Variants in SPPL2A observed in about 807,000 individuals in gnomAD.
SPPL2A encodes the protein signal peptide peptidase-like 2A.
Under a neutral mutation model 63.8 loss-of-function variants are expected in SPPL2A, and 51 were observed. That is an observed-to-expected ratio of 0.80 (90% CI 0.64 to 1.01). The LOEUF is 1.01. Among genes scored for constraint, SPPL2A ranks in the 50% least tolerant of loss-of-function variants. The pLI is 0.00. For synonymous variants in SPPL2A, 188 were observed against 205.8 expected, an observed-to-expected ratio of 0.91 and a Z score of 0.74; for missense variants, 553 against 622.7, an observed-to-expected ratio of 0.89 and a Z score of 1.19.
intron 10 of SPPL2A, among the ~76,000 whole-genome samples, chr15:50,729,276 C>T (rs1037288559): frequency 2.0e-5 from 3 of 152,204 alleles, no homozygotes; most frequent in African/African-American, 7.2e-5. Flanking sequence ...TAGTTATAAC[C>T]CATAATACTA....
At chr15:50,761,290 T>C (rs147775150) in intron 1 of SPPL2A, among the ~76,000 whole-genome samples, 7 of 152,170 alleles carry the variant, frequency 4.6e-5, no homozygotes, top group East Asian at 3.9e-4. Context: ...TGAGGAAGAC[T>C]CAGGATTCTT....
Position 50,720,078 on chromosome 15 carries a change from A to T in SPPL2A, c.1350T>A (p.Leu450=). The change falls in exon 14 of 15, where the codon CTT becomes CTA. Residue 450 remains leucine, a synonymous_variant. Coordinates refer to ENST00000261854, the MANE Select transcript of SPPL2A (RefSeq NM_032802.4). Reference sequence around the variant, plus strand: ...TCATCAGCACCAGAACAACAAATGTAAGTATCATGCCAATAGCATAGGCTG... The same window carrying T: ...TCATCAGCACCAGAACAACAAATGTTAGTATCATGCCAATAGCATAGGCTG... ...STVAYAIGMI[L]TFVVLVLMKK... 1 of 1,613,010 alleles carries T rather than the reference A, an allele frequency of 6.2e-7. No homozygotes were observed. Among genetic ancestry groups the T allele is most frequent in the Middle Eastern group, 1.7e-4 (1 of 6,054 alleles).
At chr15:50,755,627 C>CAAAAAAA (rs148415568) in intron 1 of SPPL2A, among the ~76,000 whole-genome samples, 6 of 49,540 alleles carry the variant, frequency 1.2e-4, no homozygotes, top group African/African-American at 3.7e-4. Flanking sequence ...CACCCTGTCT[C>CAAAAAAA]AAAAAAAAAA....
intron 1 of SPPL2A, among the ~76,000 whole-genome samples, chr15:50,757,584 T>C (rs527280032): frequency 6.6e-6 from 1 of 152,268 alleles, no homozygotes; most frequent in South Asian, 2.1e-4. Context: ...ATATTCAGCA[T>C]CTTATTTGAT....
intron 12 of SPPL2A, among the ~76,000 whole-genome samples, chr15:50,723,687 G>A (rs1327449292): frequency 6.6e-6 from 1 of 152,120 alleles, no homozygotes; most frequent in African/African-American, 2.4e-5. Flanking sequence ...TGTTGGCCAG[G>A]CTGGTCTTGA....
chr15:50,704,178 A>C lies in SPPL2A; in HGVS notation c.*3622T>G, dbSNP rs1230722473. ...ATCAACATGGAGAAACCCCGTCTCT[A>C]CTAAAAATACTATATTAGCCGGGTG... On this transcript the variant is annotated 3_prime_UTR_variant, in exon 15 of 15. Transcript: ENST00000261854. 6.6e-6 allele frequency: 1 copy of C among 152,062 alleles called. No individual in the cohort carries two copies. The highest frequency in any genetic ancestry group is 2.4e-5 in the African/African-American group (1 of 41,392). 9.4% of individuals were successfully genotyped at this position (152,062 alleles called of 1,614,324 possible).
chr15:50,754,003 G>A (rs1405832532), intron 1 of SPPL2A, among the ~76,000 whole-genome samples: 1 of 152,132 alleles, frequency 6.6e-6, no homozygotes, highest in Non-Finnish European at 1.5e-5. Flanking sequence ...CACCATGTTG[G>A]CCAGGCTGGT....
intron 12 of SPPL2A, among the ~76,000 whole-genome samples, chr15:50,723,758 G>A (rs1368761671): frequency 6.6e-6 from 1 of 152,252 alleles, no homozygotes; most frequent in East Asian, 1.9e-4. Context: ...TTACAGGCAT[G>A]AGCCGCCAAG....
intron 7 of SPPL2A, 66 bp downstream of exon 7, chr15:50,736,578 C>A (rs2141040069): frequency 2.2e-6 from 2 of 914,134 alleles, no homozygotes; most frequent in South Asian, 3.1e-5. Flanking sequence ...AAATAATACT[C>A]CTACTTTTGT....
rs958654014 is a variant in SPPL2A at position 50,703,752 on chromosome 15, C to T, written c.*4048G>A. The T allele has an allele frequency of 5.3e-5, 8 of 151,962 alleles. No homozygotes were observed. Among genetic ancestry groups the T allele is most frequent in the Non-Finnish European group, 7.4e-5 (5 of 68,012 alleles). 9.4% of individuals were successfully genotyped at this position (151,962 alleles called of 1,614,324 possible). Reference sequence around the variant, plus strand: ...AATGGATACCCCATTCTCCATGATCCGCTTATTTCACATTGCATACCTGTA... The same window carrying T: ...AATGGATACCCCATTCTCCATGATCTGCTTATTTCACATTGCATACCTGTA... On this transcript the variant is annotated 3_prime_UTR_variant, in exon 15 of 15. Coordinates refer to ENST00000261854, the MANE Select transcript of SPPL2A (RefSeq NM_032802.4).
At chr15:50,765,060 A>G (rs182162302) in intron 1 of SPPL2A, among the ~76,000 whole-genome samples, 3 of 152,060 alleles carry the variant, frequency 2.0e-5, no homozygotes, top group African/African-American at 7.3e-5. Context: ...CGCCTTGTAT[A>G]ATTTTTTTTT....
At position 50,725,210 on chromosome 15, in the gene SPPL2A, C is replaced by G. The variant is rs762426304; in HGVS notation, c.1249+11G>C. On this transcript the variant is annotated intron_variant, in intron 12 of 14. Coordinates refer to ENST00000261854, the MANE Select transcript of SPPL2A (RefSeq NM_032802.4). ...TTTTTTTTTTTAACTAAAATTGTTACAATTGCTTACCTGGTACAATAATGT... is the reference window on the plus strand; with the variant it reads ...TTTTTTTTTTTAACTAAAATTGTTAGAATTGCTTACCTGGTACAATAATGT... 7.0e-7 allele frequency: 1 copy of G among 1,422,120 alleles called. No homozygotes were observed. Among genetic ancestry groups the G allele is most frequent in the African/African-American group, 1.4e-5 (1 of 69,708 alleles). The allele number at this position is 1,422,120 out of a possible 1,614,324, so 88.1% of individuals were successfully genotyped here. A position where few individuals can be genotyped will look rare whatever the true frequency, so the allele number is the denominator to read the frequency against.
intron 2 of SPPL2A, among the ~76,000 whole-genome samples, 158 bp downstream of exon 2, chr15:50,749,478 G>A (rs997008308): frequency 5.9e-5 from 9 of 152,108 alleles, no homozygotes; most frequent in African/African-American, 2.2e-4. Flanking sequence ...AGTAGAGAAG[G>A]GGTTTCACCG....
At chr15:50,707,961 A>G (rs907310695) in intron 14 of SPPL2A, 87 bp from the exon 15 acceptor site, 3 of 750,428 alleles carry the variant, frequency 4.0e-6, no homozygotes, top group Non-Finnish European at 7.2e-6. Flanking sequence ...TCTTTTTCTA[A>G]AAAACACAGA....
At position 50,725,234 on chromosome 15, in the gene SPPL2A, G is replaced by T; in HGVS notation, c.1236C>A (p.Asp412Glu). The change falls in exon 12 of 15, where the codon GAC (aspartate) becomes GAA (glutamate). Residue 412 changes from aspartate (D) to glutamate (E), a missense_variant. Asp to Glu is a conservative substitution (Grantham distance 45). Transcript: ENST00000261854. ...ACAATTGCTTACCTGGTACAATAAT[G>T]TCTCCAAAACCCAATATTGAAACAG... ...LMPVSILGFG[D>E]IIVPGLLIAY... 1 of 1,567,432 alleles carries T rather than the reference G, an allele frequency of 6.4e-7. No homozygotes were observed. Among genetic ancestry groups the T allele is most frequent in the Non-Finnish European group, 8.7e-7 (1 of 1,146,794 alleles).
At chr15:50,746,090 A>T (rs1275021286) in intron 5 of SPPL2A, among the ~76,000 whole-genome samples, 1 of 151,772 alleles carries the variant, frequency 6.6e-6, no homozygotes. Flanking sequence ...AATGTGAGAA[A>T]TCCTAAAATT....
chr15:50,742,406 T>C (rs2062829556), intron 5 of SPPL2A, among the ~76,000 whole-genome samples: 1 of 151,274 alleles, frequency 6.6e-6, no homozygotes, highest in African/African-American at 2.5e-5. Flanking sequence ...AAAAAAAAGA[T>C]TTTAACACTG....
intron 14 of SPPL2A, among the ~76,000 whole-genome samples, chr15:50,710,679 T>C (rs2062548861): frequency 6.6e-6 from 1 of 152,148 alleles, no homozygotes; most frequent in South Asian, 2.1e-4. Context: ...CCAGAAATAG[T>C]CTAATAAAAC....
At chr15:50,733,043 G>C (rs1029840811) in intron 8 of SPPL2A, among the ~76,000 whole-genome samples, 1 of 152,056 alleles carries the variant, frequency 6.6e-6, no homozygotes, top group Non-Finnish European at 1.5e-5. Context: ...TGTCCTAGTA[G>C]AATAATGAAT....
Sources: allele counts gnomAD v4.1 joint callset (sites outside exome capture counted in the v4.1 genomes callset), GRCh38; gene constraint gnomAD v4.1.1; transcripts MANE v1.5; gene names NCBI Gene and HGNC (gene_info 2026-07-23, HGNC 2026-07-21).